Variants in TTBK2 observed in about 807,000 individuals in gnomAD.
TTBK2 encodes the protein tau-tubulin kinase 2.
In TTBK2, 28 loss-of-function variants were observed where a neutral mutation model predicts 110.8. That is an observed-to-expected ratio of 0.25 (90% CI 0.19 to 0.35). The LOEUF is 0.35. TTBK2 is among the 10% of genes least tolerant of loss of function. TTBK2 has a pLI of 1.00. For missense variants in TTBK2, 1,369 were observed against 1,500.3 expected, an observed-to-expected ratio of 0.91 and a Z score of 1.45; for synonymous variants, 532 against 527.3, an observed-to-expected ratio of 1.01 and a Z score of -0.12.
chr15:42,827,044 T>C (rs1237420997), intron 6 of TTBK2, among the ~76,000 whole-genome samples: 2 of 152,180 alleles, frequency 1.3e-5, no homozygotes, highest in Non-Finnish European at 2.9e-5. Context: ...CCCAAGATAT[T>C]GTCATAAACA....
chr15:42,763,742 G>C (rs1008255565), intron 13 of TTBK2, among the ~76,000 whole-genome samples: 4 of 152,150 alleles, frequency 2.6e-5, no homozygotes, highest in Non-Finnish European at 5.9e-5. Flanking sequence ...GGCCAATGTG[G>C]ATTGAGGTGA....
chr15:42,837,450 G>T (rs1321441200), intron 4 of TTBK2, among the ~76,000 whole-genome samples: 1 of 151,796 alleles, frequency 6.6e-6, no homozygotes, highest in African/African-American at 2.4e-5. Context: ...TTGAGGTCAG[G>T]AGTTCGAGAC....
chr15:42,851,800 G>A (rs6493067), intron 3 of TTBK2, among the ~76,000 whole-genome samples: 69,571 of 151,842 alleles, frequency 0.46, 20,854 homozygotes, highest in African/African-American at 0.85. Flanking sequence ...ATAACAGTGG[G>A]GAAGAAAGTG....
intron 11 of TTBK2, among the ~76,000 whole-genome samples, chr15:42,781,632 C>T (rs1194444428): frequency 6.6e-6 from 1 of 152,030 alleles, no homozygotes; most frequent in African/African-American, 2.4e-5. Flanking sequence ...GGCTTCCTCT[C>T]TGACCCATGG....
intron 1 of TTBK2, among the ~76,000 whole-genome samples, chr15:42,917,517 A>C (rs2031145747): frequency 6.6e-6 from 1 of 152,118 alleles, no homozygotes; most frequent in Non-Finnish European, 1.5e-5. Context: ...CTCAAAATTT[A>C]GTTCTAAAAA....
chr15:42,815,916 ATATATATAT>A (rs1567040338), intron 7 of TTBK2, among the ~76,000 whole-genome samples: 17 of 102,396 alleles, frequency 1.7e-4, no homozygotes, highest in African/African-American at 8.7e-4. Context: ...ATTTAAAAAT[ATATATATAT>A]TTAAAAATAT....
At chr15:42,912,308 A>G (rs1031135483) in intron 1 of TTBK2, among the ~76,000 whole-genome samples, 5 of 152,226 alleles carry the variant, frequency 3.3e-5, no homozygotes, top group Admixed American at 2.0e-4. Flanking sequence ...GACTATTACC[A>G]TCACTATTAT....
At chr15:42,912,071 A>G (rs1344316438) in intron 1 of TTBK2, among the ~76,000 whole-genome samples, 2 of 152,204 alleles carry the variant, frequency 1.3e-5, no homozygotes, top group Non-Finnish European at 2.9e-5. Flanking sequence ...CGTGCGGCCC[A>G]TGGGCCGCTG....
intron 3 of TTBK2, among the ~76,000 whole-genome samples, chr15:42,862,778 C>G (rs1894210339): frequency 6.6e-6 from 1 of 152,100 alleles, no homozygotes; most frequent in African/African-American, 2.4e-5. Flanking sequence ...ATCCCAGCTA[C>G]TCGGGAGGCT....
At chr15:42,869,994 G>A (rs983892460) in intron 3 of TTBK2, among the ~76,000 whole-genome samples, 3 of 152,032 alleles carry the variant, frequency 2.0e-5, no homozygotes, top group African/African-American at 7.3e-5. Context: ...CCAACATGGT[G>A]AAACCCCATC....
At chr15:42,839,256 T>C (rs948195414) in intron 4 of TTBK2, among the ~76,000 whole-genome samples, 5 of 152,220 alleles carry the variant, frequency 3.3e-5, no homozygotes, top group African/African-American at 9.6e-5. Context: ...GCTGCATCCA[T>C]GTTGCTGCAA....
At chr15:42,913,826 T>C (rs1013099602) in intron 1 of TTBK2, among the ~76,000 whole-genome samples, 1 of 152,144 alleles carries the variant, frequency 6.6e-6, no homozygotes, top group Non-Finnish European at 1.5e-5. Flanking sequence ...ACACATTCCT[T>C]GGGTAAACAA....
At chr15:42,811,092 G>A (rs536605054) in intron 8 of TTBK2, among the ~76,000 whole-genome samples, 113 of 152,152 alleles carry the variant, frequency 7.4e-4, no homozygotes, top group Non-Finnish European at 1.2e-3. Context: ...TGAGACTCAA[G>A]TGATCCTCCT....
chr15:42,875,696 C>T (rs1264939318), intron 2 of TTBK2, among the ~76,000 whole-genome samples: 4 of 151,870 alleles, frequency 2.6e-5, no homozygotes, highest in East Asian at 3.9e-4. Flanking sequence ...CACCTGAGGT[C>T]GGGAGTTCCA....
intron 4 of TTBK2, among the ~76,000 whole-genome samples, chr15:42,839,552 T>A (rs989445016): frequency 8.5e-5 from 13 of 152,216 alleles, no homozygotes; most frequent in Admixed American, 7.2e-4. Flanking sequence ...TGAACTAATT[T>A]ATATTCCCAC....
chr15:42,795,759 C>T (rs951454842), intron 9 of TTBK2, among the ~76,000 whole-genome samples: 2 of 149,804 alleles, frequency 1.3e-5, no homozygotes, highest in African/African-American at 2.5e-5. Context: ...ATGAGAATTG[C>T]TTGAACCTGG....
intron 13 of TTBK2, among the ~76,000 whole-genome samples, chr15:42,754,821 C>A (rs1421627096): frequency 2.0e-5 from 3 of 147,816 alleles, no homozygotes; most frequent in Non-Finnish European, 4.5e-5. Flanking sequence ...CCAGCCTGGC[C>A]AACATGGTGA....
intron 4 of TTBK2, among the ~76,000 whole-genome samples, chr15:42,832,859 G>A (rs1271318795): frequency 6.6e-6 from 1 of 152,062 alleles, no homozygotes; most frequent in Non-Finnish European, 1.5e-5. Context: ...GTGGTTTTAG[G>A]CATCCACTTG....
At chr15:42,822,582 C>A (rs893508222) in intron 6 of TTBK2, among the ~76,000 whole-genome samples, 2 of 151,748 alleles carry the variant, frequency 1.3e-5, no homozygotes, top group African/African-American at 4.8e-5. Flanking sequence ...GATATGACTG[C>A]AGCAGACCAT....
Sources: allele counts gnomAD v4.1 joint callset (sites outside exome capture counted in the v4.1 genomes callset), GRCh38; gene constraint gnomAD v4.1.1; transcripts MANE v1.5; gene names NCBI Gene and HGNC (gene_info 2026-07-23, HGNC 2026-07-21).